OR2Z1: variants seen among roughly 807,000 people sequenced by gnomAD.
OR2Z1 encodes olfactory receptor family 2 subfamily Z member 1.
For missense variants in OR2Z1, 449 were observed against 401.8 expected, an observed-to-expected ratio of 1.12 and a Z score of -1.00; for synonymous variants, 188 against 160.6, an observed-to-expected ratio of 1.17 and a Z score of -1.29.
Position 8,731,631 on chromosome 19 carries a change from C to A in OR2Z1, c.603C>A (p.Thr201=). 1 of 1,614,128 alleles carries A rather than the reference C, an allele frequency of 6.2e-7. No individual in the cohort carries two copies. Among genetic ancestry groups the A allele is most frequent in the Non-Finnish European group, 8.5e-7 (1 of 1,180,032 alleles). ...DTCAYEMALS[T]SGVLILMLPL... is the part of the protein sequence containing the mutation. ...GTGCCTACGAGATGGCGCTGTCCAC[C>A]TCAGGGGTGCTGATCCTAATGCTCC... Residue 201 remains threonine (T), a synonymous_variant, in exon 3 of 3, where the codon ACC becomes ACA. Transcript: ENST00000641125.
chr19:8,723,459 A>G (rs1336029632), intron 2 of OR2Z1, among the ~76,000 whole-genome samples: 3 of 152,170 alleles, frequency 2.0e-5, no homozygotes, highest in Non-Finnish European at 4.4e-5. Flanking sequence ...CTATGCTGAA[A>G]TGAGTTGCAC....
In OR2Z1 at chr19:8,731,879, C is replaced by T. The variant is rs781849316; in HGVS notation, c.851C>T (p.Thr284Ile). 6.2e-6 allele frequency: 10 copies of T among 1,614,222 alleles called. No individual in the cohort carries two copies. In the Admixed American group the frequency reaches 1.5e-4, roughly 24 times the overall value. ...CTCTTCTATAGCCTTGTCACCCCTA[C>T]ACTCAACCCCCTTATCTACAGTCTG... ...VSLFYSLVTP[T>I]LNPLIYSLRN... The change falls in exon 3 of 3, where the codon ACA becomes ATA. Residue 284 changes from threonine (T) to isoleucine (I), a missense_variant. By Grantham distance (89) the Thr-to-Ile change is moderately conservative. Transcript: ENST00000641125.
Position 8,731,579 on chromosome 19 carries a change from T to A in OR2Z1, c.551T>A (p.Leu184Gln). 1 of 1,614,104 alleles carries A rather than the reference T, an allele frequency of 6.2e-7. No individual in the cohort carries two copies. The highest frequency in any genetic ancestry group is 8.5e-7 in the Non-Finnish European group (1 of 1,180,020). ...VDHFFCEVPALLKLSCADTCA... is the reference protein window; with the variant it reads ...VDHFFCEVPAQLKLSCADTCA... ...CACTTCTTCTGTGAGGTGCCAGCCCTACTGAAGCTCTCCTGTGCAGATACC... is the reference window on the plus strand; with the variant it reads ...CACTTCTTCTGTGAGGTGCCAGCCCAACTGAAGCTCTCCTGTGCAGATACC... Residue 184 changes from leucine to glutamine, a missense_variant, in exon 3 of 3, where the codon CTA becomes CAA. Transcript: ENST00000641125.
At chr19:8,728,617 C>T (rs1221574533) in intron 2 of OR2Z1, 2 of 426,832 alleles carry the variant, frequency 4.7e-6, no homozygotes, top group Non-Finnish European at 8.9e-6. Context: ...TTGCATGATG[C>T]TGATTTGGGT....
At chr19:8,725,558 TTTGA>T (rs142920241) in intron 2 of OR2Z1, among the ~76,000 whole-genome samples, 1 of 152,318 alleles carries the variant, frequency 6.6e-6, no homozygotes, top group Non-Finnish European at 1.5e-5. Context: ...CCCATACATC[TTTGA>T]TTGACTCTGG....
At chr19:8,728,645 C>A in intron 2 of OR2Z1, 1 of 456,224 alleles carries the variant, frequency 2.2e-6, no homozygotes, top group East Asian at 5.2e-5. Flanking sequence ...GAAACTGTCA[C>A]CCAAATTGCG....
At chr19:8,730,837 C>T in intron 2 of OR2Z1, 23 bp from the exon 3 acceptor site, 1 of 605,262 alleles carries the variant, frequency 1.7e-6, no homozygotes, top group Non-Finnish European at 2.9e-6. Context: ...TAGACACTAA[C>T]TGATTAAGTT....
chr19:8,731,916 G>A lies in OR2Z1; in HGVS notation c.888G>A (p.Glu296=), dbSNP rs781985827. ...NPLIYSLRNP[E]VWMALVKVLS... is the part of the protein sequence containing the mutation. Reference sequence around the variant, plus strand: ...TTATCTACAGTCTGAGGAATCCGGAGGTGTGGATGGCTTTGGTCAAAGTGC... The same window carrying A: ...TTATCTACAGTCTGAGGAATCCGGAAGTGTGGATGGCTTTGGTCAAAGTGC... The change falls in exon 3 of 3, where the codon GAG becomes GAA. Residue 296 remains glutamate (E), a synonymous_variant. Coordinates refer to ENST00000641125, the MANE Select transcript of OR2Z1 (RefSeq NM_001004699.3). 1 of 1,614,190 alleles carries A rather than the reference G, an allele frequency of 6.2e-7. No individual in the cohort carries two copies. Among genetic ancestry groups the A allele is most frequent in the Admixed American group, 1.7e-5 (1 of 60,026 alleles).
rs141980697 is a variant in OR2Z1, at chr19:8,731,604, C to T, written c.576C>T (p.Thr192=). 145 of 1,613,900 alleles carry T rather than the reference C, an allele frequency of 9.0e-5. 1 individual carries two copies. The African/African-American group carries it at 1.8e-3, about 20-fold the overall frequency. ...PALLKLSCAD[T]CAYEMALSTS... ...TACTGAAGCTCTCCTGTGCAGATACCTGTGCCTACGAGATGGCGCTGTCCA... is the reference window on the plus strand; with the variant it reads ...TACTGAAGCTCTCCTGTGCAGATACTTGTGCCTACGAGATGGCGCTGTCCA... The change falls in exon 3 of 3, where the codon ACC becomes ACT. Residue 192 remains threonine, a synonymous_variant. Transcript: ENST00000641125.
rs1195103375 is a variant in OR2Z1, at chr19:8,731,701, G to C, written c.673G>C (p.Val225Leu). ...CTCCTACGGCCACGTGTTGCAGGCT[G>C]TTCTAAGCATGCGCTCAGAGGAGGC... ...ATSYGHVLQA[V>L]LSMRSEEARH... The change falls in exon 3 of 3, where the codon GTT becomes CTT. Residue 225 changes from valine (V) to leucine (L), a missense_variant. Transcript: ENST00000641125. 6.2e-7 allele frequency: 1 copy of C among 1,614,038 alleles called. No homozygotes were observed. Among genetic ancestry groups the C allele is most frequent in the African/African-American group, 1.3e-5 (1 of 74,924 alleles).
At chr19:8,723,971 TG>T (rs2043316862) in intron 2 of OR2Z1, among the ~76,000 whole-genome samples, 7 of 2,462 alleles carry the variant, frequency 2.8e-3, no homozygotes, top group Admixed American at 8.8e-3. Context: ...AGTCTGTTTG[TG>T]TGTGTGTGTG....
chr19:8,723,407 C>A (rs1179395448), intron 2 of OR2Z1, among the ~76,000 whole-genome samples: 1 of 152,106 alleles, frequency 6.6e-6, no homozygotes, highest in African/African-American at 2.4e-5. Flanking sequence ...CCCTGGGTAC[C>A]CAAATCATCA....
At chr19:8,724,953 T>G (rs2043321784) in intron 2 of OR2Z1, among the ~76,000 whole-genome samples, 1 of 152,148 alleles carries the variant, frequency 6.6e-6, no homozygotes, top group East Asian at 1.9e-4. Context: ...GTCCAGATAC[T>G]GTATTATTTC....
intron 2 of OR2Z1, among the ~76,000 whole-genome samples, chr19:8,727,927 A>G (rs782370727): frequency 8.5e-5 from 13 of 152,230 alleles, no homozygotes; most frequent in Non-Finnish European, 1.6e-4. Flanking sequence ...AGCAGGGATG[A>G]GGATGCTATC....
chr19:8,731,813 C>T lies in OR2Z1; in HGVS notation c.785C>T (p.Pro262Leu), dbSNP rs782640694. The T allele has an allele frequency of 3.7e-6, 6 of 1,614,112 alleles. No individual in the cohort carries two copies. Among genetic ancestry groups the T allele is most frequent in the African/African-American group, 1.3e-5 (1 of 74,940 alleles). Residue 262 changes from proline (P) to leucine (L), a missense_variant, in exon 3 of 3, where the codon CCT becomes CTT. Coordinates refer to ENST00000641125, the MANE Select transcript of OR2Z1 (RefSeq NM_001004699.3). ...YGAAVFMYMV[P>L]CAYHSPQQDN... is the part of the protein sequence containing the mutation. ...GCCGCCGTGTTCATGTACATGGTGC[C>T]TTGCGCCTACCACAGTCCACAGCAG...
intron 2 of OR2Z1, chr19:8,729,082 T>C (rs1040977653): frequency 1.7e-5 from 20 of 1,169,758 alleles, no homozygotes; most frequent in South Asian, 1.5e-4. Flanking sequence ...GTGGGTGACA[T>C]GTGGGATCTT....
chr19:8,731,432 T>G lies in OR2Z1; in HGVS notation c.404T>G (p.Leu135Arg). 6.2e-7 allele frequency: 1 copy of G among 1,614,094 alleles called. No individual in the cohort carries two copies. The highest frequency in any genetic ancestry group is 8.5e-7 in the Non-Finnish European group (1 of 1,180,002). ...TGCCAGCCCCTGCAGTATCCTGTAC[T>G]TATGAGACGCCAGGTATGTCTGCTG... The part of the protein sequence containing the change: ...AVCQPLQYPV[L>R]MRRQVCLLMM... Residue 135 changes from leucine to arginine, a missense_variant, in exon 3 of 3, where the codon CTT (leucine) becomes CGT (arginine). Coordinates refer to ENST00000641125, the MANE Select transcript of OR2Z1 (RefSeq NM_001004699.3).
At chr19:8,725,417 A>AT (rs1396717253) in intron 2 of OR2Z1, among the ~76,000 whole-genome samples, 3 of 151,828 alleles carry the variant, frequency 2.0e-5, no homozygotes, top group Non-Finnish European at 2.9e-5. Flanking sequence ...TAATTTTTGT[A>AT]TTTTTTGTAG....
chr19:8,726,448 C>T (rs2043327981), intron 2 of OR2Z1, among the ~76,000 whole-genome samples: 1 of 152,222 alleles, frequency 6.6e-6, no homozygotes, highest in Admixed American at 6.5e-5. Context: ...CAGGTCCAAA[C>T]CATACCAGGC....
Sources: gnomAD v4.1 joint callset for allele counts (sites outside exome capture counted in the v4.1 genomes callset) on GRCh38, gnomAD v4.1.1 for gene constraint, MANE v1.5 for transcripts, NCBI Gene and HGNC (gene_info 2026-07-23, HGNC 2026-07-21) for gene names.